TNFAIP2: variants seen among roughly 807,000 people sequenced by gnomAD.
TNFAIP2 encodes tumor necrosis factor alpha-induced protein 2.
Under a neutral mutation model 63.5 loss-of-function variants are expected in TNFAIP2, and 47 were observed. The observed-to-expected ratio is 0.74, with a 90% CI of 0.59 to 0.94. The LOEUF (loss-of-function observed/expected upper bound fraction) is 0.94, where lower values mean the gene tolerates loss of function less well. TNFAIP2 is among the 40% of genes least tolerant of loss of function. TNFAIP2 has a pLI of 0.00. For synonymous variants in TNFAIP2, 405 were observed against 390.2 expected, an observed-to-expected ratio of 1.04 and a Z score of -0.45; for missense variants, 787 against 850.2, an observed-to-expected ratio of 0.93 and a Z score of 0.92.
At chr14:103,134,845 G>A (rs989441728) in intron 11 of TNFAIP2, among the ~76,000 whole-genome samples, 3 of 152,224 alleles carry the variant, frequency 2.0e-5, no homozygotes, top group Admixed American at 2.0e-4. Context: ...ATCAGGCAAA[G>A]AAACAGACAA....
intron 2 of TNFAIP2, 105 bp from the exon 3 acceptor site, chr14:103,126,900 C>T: frequency 7.1e-7 from 1 of 1,405,798 alleles, no homozygotes; most frequent in South Asian, 1.5e-5. Flanking sequence ...GTGTTGGCCG[C>T]CGGCCCTGTG....
Sources: allele counts gnomAD v4.1 joint callset (sites outside exome capture counted in the v4.1 genomes callset), GRCh38; gene constraint gnomAD v4.1.1; transcripts MANE v1.5; gene names NCBI Gene and HGNC (gene_info 2026-07-23, HGNC 2026-07-21).